Variants in LDB2 observed in about 807,000 individuals in gnomAD.
The protein encoded by LDB2 is LIM domain-binding protein 2.
In LDB2, 12 loss-of-function variants were observed where a neutral mutation model predicts 44.3. The observed-to-expected ratio is 0.27, with a 90% confidence interval of 0.17 to 0.44. The LOEUF is 0.44. LDB2 is among the 20% of genes least tolerant of loss of function. The pLI, the probability that LDB2 is intolerant of heterozygous loss-of-function variation, is 1.00. For synonymous variants in LDB2, 164 were observed against 174.8 expected (o/e 0.94, Z 0.49); for missense variants, 344 against 473.5 (o/e 0.73, Z 2.54).
At chr4:16,861,460 C>T (rs1020691687) in intron 1 of LDB2, among the ~76,000 whole-genome samples, 3 of 152,162 alleles carry the variant, frequency 2.0e-5, no homozygotes, top group East Asian at 1.9e-4. Flanking sequence ...GTGTTCCCTA[C>T]GGGACCATCA....
At chr4:16,537,458 A>AGTCT (rs1356932182) in intron 5 of LDB2, among the ~76,000 whole-genome samples, 2 of 152,366 alleles carry the variant, frequency 1.3e-5, no homozygotes, top group African/African-American at 2.4e-5. Context: ...AATCCTTAAC[A>AGTCT]GTCTCATGAG....
intron 2 of LDB2, among the ~76,000 whole-genome samples, chr4:16,702,244 T>A (rs1030245055): frequency 2.0e-5 from 3 of 152,258 alleles, no homozygotes; most frequent in African/African-American, 7.2e-5. Flanking sequence ...GAGTTTCAGA[T>A]ACTTTATTTC....
chr4:16,860,494 A>G (rs1216941652), intron 1 of LDB2, among the ~76,000 whole-genome samples: 1 of 152,132 alleles, frequency 6.6e-6, no homozygotes, highest in Admixed American at 6.5e-5. Flanking sequence ...AGAAAATGAC[A>G]CCAGCCATCT....
In LDB2 at chr4:16,560,973, A is replaced by C. The variant is rs147344372; in HGVS notation, c.615+24949T>G. ...CAGAACCAAAGACAAAAACCACATG[A>C]TTATCTCAAAAGATGCAGAAAAGAC... On this transcript the variant is annotated intron_variant, in intron 5 of 7. Coordinates refer to ENST00000304523, the MANE Select transcript of LDB2 (RefSeq NM_001290.5). Among the ~76,000 whole-genome samples, 1,281 of 152,336 alleles carry C rather than the reference A, an allele frequency of 8.4e-3. 20 individuals are homozygous for C. The highest frequency in any genetic ancestry group is 0.029 in the African/African-American group (1,216 of 41,578).
intron 5 of LDB2, among the ~76,000 whole-genome samples, chr4:16,545,769 C>G (rs11945063): frequency 6.6e-6 from 1 of 152,158 alleles, no homozygotes; most frequent in Non-Finnish European, 1.5e-5. Context: ...CTGCCCCTAC[C>G]GGCTTATTCC....
At chr4:16,722,681 T>C (rs532621358) in intron 2 of LDB2, among the ~76,000 whole-genome samples, 1 of 152,256 alleles carries the variant, frequency 6.6e-6, no homozygotes, top group East Asian at 1.9e-4. Flanking sequence ...ATCTAGTTGA[T>C]TGCCAACTTT....
At chr4:16,606,143 A>G (rs917401903) in intron 2 of LDB2, among the ~76,000 whole-genome samples, 2 of 152,098 alleles carry the variant, frequency 1.3e-5, no homozygotes, top group Admixed American at 6.5e-5. Context: ...GTTTATTTAC[A>G]CAAAGTTATA....
chr4:16,673,916 C>A (rs951950083), intron 2 of LDB2, among the ~76,000 whole-genome samples: 9 of 152,202 alleles, frequency 5.9e-5, no homozygotes, highest in Non-Finnish European at 7.3e-5. Context: ...TTTTACATTT[C>A]TTCTCCACTA....
At chr4:16,567,383 TGC>T (rs1560497203) in intron 5 of LDB2, among the ~76,000 whole-genome samples, 6 of 59,148 alleles carry the variant, frequency 1.0e-4, no homozygotes, top group Admixed American at 1.9e-4. Context: ...TGTGTGTGTG[TGC>T]GCGTGTGTGC....
intron 5 of LDB2, among the ~76,000 whole-genome samples, chr4:16,559,240 A>C (rs1741064759): frequency 6.6e-6 from 1 of 152,238 alleles, no homozygotes; most frequent in Non-Finnish European, 1.5e-5. Flanking sequence ...TAAATGGACT[A>C]AATGCTCCAA....
At chr4:16,759,342 A>C in intron 1 of LDB2, 82 bp from the exon 2 acceptor site, 1 of 1,021,656 alleles carries the variant, frequency 9.8e-7, no homozygotes, top group East Asian at 2.4e-5. Flanking sequence ...GAGAAAGAAA[A>C]ACTCAGCTGC....
At chr4:16,683,945 G>A (rs1026858002) in intron 2 of LDB2, among the ~76,000 whole-genome samples, 15 of 152,094 alleles carry the variant, frequency 9.9e-5, no homozygotes, top group African/African-American at 3.6e-4. Context: ...CACCCAGCTG[G>A]AAAGCAACAC....
intron 2 of LDB2, among the ~76,000 whole-genome samples, chr4:16,641,190 G>T (rs539069385): frequency 2.0e-5 from 3 of 152,198 alleles, no homozygotes; most frequent in Admixed American, 6.5e-5. Flanking sequence ...AAATGAAAAG[G>T]CCATTTTAGG....
chr4:16,676,412 G>T (rs1746344504), intron 2 of LDB2, among the ~76,000 whole-genome samples: 1 of 152,208 alleles, frequency 6.6e-6, no homozygotes, highest in Non-Finnish European at 1.5e-5. Flanking sequence ...AGGCTCTGAG[G>T]TATCTTAAGG....
chr4:16,872,978 C>T (rs1717155389), intron 1 of LDB2, among the ~76,000 whole-genome samples: 1 of 152,146 alleles, frequency 6.6e-6, no homozygotes, highest in South Asian at 2.1e-4. Context: ...ATTGACAGCC[C>T]AGTGACAGGG....
At chr4:16,879,951 T>A (rs2110421529) in intron 1 of LDB2, among the ~76,000 whole-genome samples, 1 of 152,204 alleles carries the variant, frequency 6.6e-6, no homozygotes, top group Admixed American at 6.5e-5. Context: ...CCAACTCTCT[T>A]TACACCTGCA....
In LDB2 at chr4:16,786,563, G is replaced by C. The variant is rs552346157; in HGVS notation, c.133-27303C>G. Among the ~76,000 whole-genome samples, 6 of 152,196 alleles carry C rather than the reference G, an allele frequency of 3.9e-5. No individual in the cohort carries two copies. In the South Asian group the frequency reaches 1.2e-3, roughly 32 times the overall value. ...CCCTGCATAGTTTTTCAGTTTTCCTGTATCTGAATGGATACACACACATAA... is the reference window on the plus strand; with the variant it reads ...CCCTGCATAGTTTTTCAGTTTTCCTCTATCTGAATGGATACACACACATAA... On this transcript the variant is annotated intron_variant, in intron 1 of 7. Transcript: ENST00000304523.
At chr4:16,597,586 T>A (rs1721332601) in intron 2 of LDB2, among the ~76,000 whole-genome samples, 1 of 152,196 alleles carries the variant, frequency 6.6e-6, no homozygotes, top group Non-Finnish European at 1.5e-5. Context: ...TCAGCCTAAG[T>A]AATTTGACAA....
chr4:16,791,996 C>T (rs772399359), intron 1 of LDB2, among the ~76,000 whole-genome samples: 27 of 152,124 alleles, frequency 1.8e-4, no homozygotes, highest in Non-Finnish European at 2.8e-4. Context: ...TAGTGACTTA[C>T]GTAGATAAAC....
Sources: allele counts gnomAD v4.1 joint callset (sites outside exome capture counted in the v4.1 genomes callset), GRCh38; gene constraint gnomAD v4.1.1; transcripts MANE v1.5; gene names NCBI Gene and HGNC (gene_info 2026-07-23, HGNC 2026-07-21).